C21orf91: variants seen among roughly 807,000 people sequenced by gnomAD.
C21orf91 encodes the protein chromosome 21 open reading frame 91.
Under a neutral mutation model 32.9 loss-of-function variants are expected in C21orf91, and 26 were observed. The observed-to-expected ratio is 0.79, with a 90% CI of 0.58 to 1.10. C21orf91 has a LOEUF of 1.10. C21orf91 is among the 50% of genes least tolerant of loss of function. C21orf91 has a pLI of 0.00. For synonymous variants in C21orf91, 126 were observed against 120.4 expected (o/e 1.05, Z -0.31); for missense variants, 310 against 341.3 (o/e 0.91, Z 0.72).
chr21:17,800,191 G>C (rs1026159809), intron 2 of C21orf91, among the ~76,000 whole-genome samples: 1 of 152,062 alleles, frequency 6.6e-6, no homozygotes, highest in African/African-American at 2.4e-5. Flanking sequence ...CATTCATCTA[G>C]ATATATACCT....
rs2062483181 is a variant in C21orf91, at chr21:17,792,477, T to A, written c.*938A>T. The A allele has an allele frequency of 1.5e-5, 1 of 67,722 alleles. No homozygotes were observed. Among genetic ancestry groups the A allele is most frequent in the South Asian group, 3.8e-4 (1 of 2,600 alleles). The allele number at this position is 67,722 out of a possible 1,614,324, so 4.2% of individuals were successfully genotyped here. On this transcript the variant is annotated 3_prime_UTR_variant, in exon 5 of 5. Transcript: ENST00000284881. ...AAAGTGGCACACAAAATAATCTTAC[T>A]TTTTTTTTTCAAAGACAGAACAATT...
chr21:17,793,416 C>A lies in C21orf91; in HGVS notation c.893G>T (p.Ter298LeuextTer24). Reference sequence around the variant, plus strand: ...GCATACGAAGTAAGTCTGTTTAGGTCAGTTGTTTATGGGTAGGTGCGACTT... The same window carrying A: ...GCATACGAAGTAAGTCTGTTTAGGTAAGTTGTTTATGGGTAGGTGCGACTT... ...GMKSHLPINN[*>L] is the part of the protein sequence containing the mutation. The change falls in exon 5 of 5, where the codon TGA becomes TTA. Residue 298 changes from the stop codon to leucine, a stop_lost. Transcript: ENST00000284881. The A allele has an allele frequency of 1.3e-6, 2 of 1,599,960 alleles. No individual in the cohort carries two copies. The highest frequency in any genetic ancestry group is 2.2e-5 in the South Asian group (2 of 89,690).
chr21:17,813,791 T>G (rs2062648150), intron 2 of C21orf91: 1 of 152,204 alleles, frequency 6.6e-6, no homozygotes, highest in Non-Finnish European at 1.5e-5. Context: ...AAGTTTTAGA[T>G]TTTTGATTTT....
Position 17,818,206 on chromosome 21 carries a change from T to C in C21orf91, c.113A>G (p.Glu38Gly). ...TGTGTCCTTACCCTCAATATTTAGC[T>C]CAAAACAAATGTGGCAGAAGGAGAG... ...ETLSFCHICF[E>G]LNIEGVPKSD... Residue 38 changes from glutamate to glycine, a missense_variant, in exon 2 of 5, where the codon GAG (glutamate) becomes GGG (glycine). Physicochemically the swap from Glu to Gly is moderately conservative, Grantham distance 98. Coordinates refer to ENST00000284881, the MANE Select transcript of C21orf91 (RefSeq NM_001100420.2). 1.2e-6 allele frequency: 2 copies of C among 1,610,558 alleles called. No individual in the cohort carries two copies. Among genetic ancestry groups the C allele is most frequent in the Non-Finnish European group, 1.7e-6 (2 of 1,176,868 alleles).
intron 1 of C21orf91, 118 bp from the exon 2 acceptor site, chr21:17,818,443 C>T: frequency 1.3e-6 from 1 of 764,998 alleles, no homozygotes; most frequent in East Asian, 2.6e-5. Flanking sequence ...AAAGCAAAAG[C>T]TCCATCAAAC....
chr21:17,789,349 GTGAAAGAAAAACATTCTAGATGCGTC>G lies in C21orf91; in HGVS notation c.*4040_*4065del, dbSNP rs1482888758. 11 of 151,884 alleles carry G rather than the reference GTGAAAGAAAAACATTCTAGATGCGTC, an allele frequency of 7.2e-5. No individual in the cohort carries two copies. The South Asian group carries it at 2.3e-3, about 31-fold the overall frequency. 9.4% of individuals were successfully genotyped at this position (151,884 alleles called of 1,614,324 possible). A position where few individuals can be genotyped will look rare whatever the true frequency, so the allele number is the denominator to read the frequency against. On this transcript the variant is annotated 3_prime_UTR_variant, in exon 5 of 5. Transcript: ENST00000284881. Reference sequence around the variant, plus strand: ...CTAAATTGCCTCTTTTGGAGGTACGGTGAAAGAAAAACATTCTAGATGCGTCTGAAAGAAACAAGGTACACACACTT... The same window carrying G: ...CTAAATTGCCTCTTTTGGAGGTACGGTGAAAGAAACAAGGTACACACACTT...
intron 2 of C21orf91, chr21:17,817,712 T>C (rs1172270575): frequency 1.3e-5 from 2 of 152,208 alleles, no homozygotes; most frequent in African/African-American, 4.8e-5. Flanking sequence ...ACAGTGTGTG[T>C]GATCACTGAA....
chr21:17,814,655 G>A (rs946886586), intron 2 of C21orf91, among the ~76,000 whole-genome samples: 1 of 152,098 alleles, frequency 6.6e-6, no homozygotes, highest in Non-Finnish European at 1.5e-5. Context: ...GAGTGAGGGG[G>A]GGAGGTGCTA....
chr21:17,808,591 C>T (rs888066261), intron 2 of C21orf91, among the ~76,000 whole-genome samples: 2 of 152,232 alleles, frequency 1.3e-5, no homozygotes, highest in African/African-American at 4.8e-5. Flanking sequence ...GCTGCAGGCA[C>T]ATAACCCCAG....
chr21:17,798,623 T>C (rs893841322), intron 2 of C21orf91, among the ~76,000 whole-genome samples: 5 of 152,208 alleles, frequency 3.3e-5, no homozygotes, highest in Admixed American at 2.6e-4. Flanking sequence ...TGAGCACGTA[T>C]ACATTTCTAC....
At chr21:17,817,681 T>C (rs936237305) in intron 2 of C21orf91, 4 of 152,116 alleles carry the variant, frequency 2.6e-5, no homozygotes, top group African/African-American at 9.7e-5. Context: ...TAAAAACCTT[T>C]TCAGGTTTTA....
rs78295706 is a variant in C21orf91, at chr21:17,795,985, G to A, written c.664+597C>T. On this transcript the variant is annotated intron_variant, in intron 3 of 4. Transcript: ENST00000284881. ...GAAAAATAAATTTGTCTGTCTAGAT[G>A]TAGAATCTTAAATAATTCACATTTA... 2.5e-3 allele frequency among the ~76,000 whole-genome samples: 375 copies of A among 152,306 alleles called. 10 individuals are homozygous for A. In the East Asian group the frequency reaches 0.068, roughly 28 times the overall value.
intron 2 of C21orf91, among the ~76,000 whole-genome samples, chr21:17,815,936 A>G (rs1002775268): frequency 1.3e-5 from 2 of 152,236 alleles, no homozygotes; most frequent in Non-Finnish European, 2.9e-5. Context: ...TTGGGATTAC[A>G]GGCATGAGCT....
chr21:17,802,694 A>G (rs1206733465), intron 2 of C21orf91, among the ~76,000 whole-genome samples: 3 of 152,232 alleles, frequency 2.0e-5, no homozygotes, highest in South Asian at 4.1e-4. Context: ...CTTGGTAGTA[A>G]TAAGTAAGCT....
chr21:17,802,979 T>C (rs1055819555), intron 2 of C21orf91, among the ~76,000 whole-genome samples: 1 of 152,218 alleles, frequency 6.6e-6, no homozygotes, highest in African/African-American at 2.4e-5. Context: ...ATATGCATTA[T>C]CACATCAGTA....
intron 2 of C21orf91, among the ~76,000 whole-genome samples, chr21:17,800,866 T>C (rs887154159): frequency 2.2e-4 from 34 of 152,198 alleles, no homozygotes; most frequent in African/African-American, 8.2e-4. Context: ...CCAAAAGTCT[T>C]AATCTTATTT....
At position 17,818,953 on chromosome 21, in the gene C21orf91, C is replaced by G. The variant is rs536626122; in HGVS notation, c.-8+350G>C. 1.2e-3 allele frequency: 190 copies of G among 152,398 alleles called. 1 individual carries two copies. Among genetic ancestry groups the G allele is most frequent in the Non-Finnish European group, 2.3e-3 (159 of 68,050 alleles). 9.4% of individuals were successfully genotyped at this position (152,398 alleles called of 1,614,324 possible). Reference sequence around the variant, plus strand: ...CGGGCACCGCCGGAGGGGCCCAAGCCGGAGCTGGGAGAGCCGCGGCATCCT... The same window carrying G: ...CGGGCACCGCCGGAGGGGCCCAAGCGGGAGCTGGGAGAGCCGCGGCATCCT... On this transcript the variant is annotated intron_variant, in intron 1 of 4. Transcript: ENST00000284881.
rs564695325 is a variant in C21orf91 at position 17,789,901 on chromosome 21, G to A, written c.*3514C>T. The A allele has an allele frequency of 7.7e-4, 117 of 152,176 alleles. No homozygotes were observed. Among genetic ancestry groups the A allele is most frequent in the African/African-American group, 2.7e-3 (112 of 41,534 alleles). 9.4% of individuals were successfully genotyped at this position (152,176 alleles called of 1,614,324 possible). A position where few individuals can be genotyped will look rare whatever the true frequency, so the allele number is the denominator to read the frequency against. On this transcript the variant is annotated 3_prime_UTR_variant, in exon 5 of 5. Coordinates refer to ENST00000284881, the MANE Select transcript of C21orf91 (RefSeq NM_001100420.2). ...TTCTCACCACAAATTTCCTCAAATA[G>A]TTACTCCCACCAACGTAAAAGTTAA...
In C21orf91 at chr21:17,793,483, A is replaced by C; in HGVS notation, c.826T>G (p.Cys276Gly). The part of the protein sequence containing the change: ...HVAIEQLLKN[C>G]SKLPCLQVGR... ...ACTTGCAGACATGGTAACTTAGAAC[A>C]GTTCTTCAGAAGCTGTTCGATGGCA... is the stretch of plus-strand genomic sequence containing the variant. The change falls in exon 5 of 5, where the codon TGT (cysteine) becomes GGT (glycine). Residue 276 changes from cysteine (C) to glycine (G), a missense_variant. Coordinates refer to ENST00000284881, the MANE Select transcript of C21orf91 (RefSeq NM_001100420.2). The C allele has an allele frequency of 6.2e-7, 1 of 1,613,638 alleles. No homozygotes were observed. Among genetic ancestry groups the C allele is most frequent in the Non-Finnish European group, 8.5e-7 (1 of 1,179,770 alleles).
Sources: gnomAD v4.1 joint callset for allele counts (sites outside exome capture counted in the v4.1 genomes callset) on GRCh38, gnomAD v4.1.1 for gene constraint, MANE v1.5 for transcripts, NCBI Gene and HGNC (gene_info 2026-07-23, HGNC 2026-07-21) for gene names.